Variants in LRRC28 observed in about 807,000 individuals in gnomAD.
LRRC28 encodes leucine rich repeat containing 28.
LRRC28 carries 39 observed loss-of-function variants against 45.7 expected under a neutral mutation model. The observed-to-expected ratio is 0.85, with a 90% CI of 0.66 to 1.12. The LOEUF (loss-of-function observed/expected upper bound fraction) is 1.12, where lower values mean the gene tolerates loss of function less well. LRRC28 is among the 50% of genes most tolerant of loss of function. The pLI is 0.00. For missense variants in LRRC28, 435 were observed against 438.5 expected (o/e 0.99, Z 0.07); for synonymous variants, 206 against 178.8 (o/e 1.15, Z -1.22).
chr15:99,341,330 G>C (rs1381123246), intron 6 of LRRC28, among the ~76,000 whole-genome samples: 1 of 152,118 alleles, frequency 6.6e-6, no homozygotes, highest in East Asian at 1.9e-4. Context: ...GACCTCAGCT[G>C]ATCCACCTGG....
At position 99,287,268 on chromosome 15, in the gene LRRC28, C is replaced by CA; in HGVS notation, c.224dup (p.Asn75LysfsTer2). ...TTTTTCCTTCCTAGATACCTGCACT[C>CA]AAATAACATAGTTGTGGTTCCGGAA... On this transcript the variant is annotated frameshift_variant, in exon 4 of 10. Transcript: ENST00000301981. LOFTEE classifies it high-confidence loss of function. 1 of 1,571,152 alleles carries CA rather than the reference C, an allele frequency of 6.4e-7. No individual in the cohort carries two copies. The highest frequency in any genetic ancestry group is 8.6e-7 in the Non-Finnish European group (1 of 1,161,760).
chr15:99,261,609 C>T (rs1200792066), intron 2 of LRRC28, among the ~76,000 whole-genome samples: 1 of 151,986 alleles, frequency 6.6e-6, no homozygotes, highest in African/African-American at 2.4e-5. Flanking sequence ...TTAATTGCCT[C>T]CCAAAGGTCC....
rs2292313 is a variant in LRRC28 at position 99,255,884 on chromosome 15, C to G, written c.-60-14C>G. On this transcript the variant is annotated splice_polypyrimidine_tract_variant and intron_variant, in intron 1 of 9. Transcript: ENST00000301981. Reference sequence around the variant, plus strand: ...AAATCTTACAATGAATAAATTTTCTCGTTCTCTTTATAGAAATGGACCAAT... The same window carrying G: ...AAATCTTACAATGAATAAATTTTCTGGTTCTCTTTATAGAAATGGACCAAT... The G allele has an allele frequency of 6.9e-7, 1 of 1,453,662 alleles. No homozygotes were observed. Among genetic ancestry groups the G allele is most frequent in the Non-Finnish European group, 9.2e-7 (1 of 1,091,492 alleles). The allele number at this position is 1,453,662 out of a possible 1,614,324, so 90.0% of individuals were successfully genotyped here.
intron 5 of LRRC28, among the ~76,000 whole-genome samples, chr15:99,303,908 C>T (rs563227682): frequency 1.3e-5 from 2 of 151,664 alleles, no homozygotes; most frequent in African/African-American, 2.4e-5. Flanking sequence ...AGAGCATTGT[C>T]CCCCCCACTG....
chr15:99,361,622 C>A, intron 8 of LRRC28, 111 bp downstream of exon 8: 2 of 1,059,312 alleles, frequency 1.9e-6, no homozygotes, highest in Admixed American at 2.8e-5. Context: ...TGGTAAAATA[C>A]ACATAACACG....
rs1430553974 is a variant in LRRC28, at chr15:99,387,206, GC to G, written c.*1107del. On this transcript the variant is annotated 3_prime_UTR_variant, in exon 10 of 10. Transcript: ENST00000301981. ...CTCCCAAGTAGCTGGGACCACAGGC[GC>G]CCGCCACCACGCCCGGCTAATTTTT... The G allele has an allele frequency of 4.1e-5, 6 of 145,316 alleles. No homozygotes were observed. The highest frequency in any genetic ancestry group is 7.0e-5 in the Admixed American group (1 of 14,252). The allele number at this position is 145,316 out of a possible 1,614,324, so 9.0% of individuals were successfully genotyped here.
chr15:99,337,272 T>G (rs911189782), intron 6 of LRRC28, among the ~76,000 whole-genome samples: 2 of 152,264 alleles, frequency 1.3e-5, no homozygotes, highest in African/African-American at 4.8e-5. Flanking sequence ...CATAGGAAGC[T>G]GACCACTGTA....
At position 99,294,613 on chromosome 15, in the gene LRRC28, T is replaced by A. The variant is rs1275757251; in HGVS notation, c.385+6662T>A. Among the ~76,000 whole-genome samples the A allele has an allele frequency of 2.0e-5, 3 of 152,170 alleles. 1 individual carries two copies. In the East Asian group the frequency reaches 5.8e-4, roughly 29 times the overall value. On this transcript the variant is annotated intron_variant, in intron 5 of 9. Transcript: ENST00000301981. ...TTATTTTCTGATTCATAGATGACAC[T>A]TTTTCACTGTGTTCTCATGTGGTAG...
At chr15:99,288,353 G>T (rs1478367435) in intron 5 of LRRC28, among the ~76,000 whole-genome samples, 2 of 147,026 alleles carry the variant, frequency 1.4e-5, no homozygotes, top group Non-Finnish European at 3.0e-5. Flanking sequence ...CTCTAGTGAG[G>T]TAACTAATGT....
intron 6 of LRRC28, among the ~76,000 whole-genome samples, chr15:99,351,612 C>G (rs1436638666): frequency 6.6e-6 from 1 of 152,184 alleles, no homozygotes; most frequent in African/African-American, 2.4e-5. Context: ...ATTCCTACAT[C>G]TGCCTGGATC....
chr15:99,308,684 T>C (rs1644683430), intron 5 of LRRC28, among the ~76,000 whole-genome samples: 1 of 152,056 alleles, frequency 6.6e-6, no homozygotes, highest in South Asian at 2.1e-4. Flanking sequence ...AAAAAATAAA[T>C]AAATGAATAA....
Position 99,293,593 on chromosome 15 carries a change from C to CCAAAAAAAAAAAAAAAAAAAAAAAAA in LRRC28, c.385+5642_385+5643insCAAAAAAAAAAAAAAAAAAAAAAAAA, listed in dbSNP as rs747700282. ...GGGCAACAAGAACGAAACTCTGTCA[C>CCAAAAAAAAAAAAAAAAAAAAAAAAA]AAAAAAAAAAAAAAAAAAAAAAAAA... On this transcript the variant is annotated intron_variant, in intron 5 of 9. Coordinates refer to ENST00000301981, the MANE Select transcript of LRRC28 (RefSeq NM_144598.5). Among the ~76,000 whole-genome samples the CCAAAAAAAAAAAAAAAAAAAAAAAAA allele has an allele frequency of 1.8e-4, 8 of 44,070 alleles. 1 individual carries two copies. Among genetic ancestry groups the CCAAAAAAAAAAAAAAAAAAAAAAAAA allele is most frequent in the Non-Finnish European group, 2.6e-4 (6 of 22,730 alleles). The allele number at this position is 44,070 out of a possible 152,430, so 28.9% of individuals were successfully genotyped here. A position where few individuals can be genotyped will look rare whatever the true frequency, so the allele number is the denominator to read the frequency against.
intron 3 of LRRC28, among the ~76,000 whole-genome samples, chr15:99,277,712 G>T (rs1432527383): frequency 2.0e-5 from 3 of 152,040 alleles, no homozygotes; most frequent in African/African-American, 7.2e-5. Flanking sequence ...TCATCCTTTT[G>T]TATGTATGTA....
chr15:99,326,977 A>G (rs1956001041), intron 5 of LRRC28, among the ~76,000 whole-genome samples: 1 of 152,228 alleles, frequency 6.6e-6, no homozygotes, highest in Non-Finnish European at 1.5e-5. Flanking sequence ...TTAAATATAT[A>G]ATAGAATTGA....
intron 9 of LRRC28, among the ~76,000 whole-genome samples, chr15:99,379,922 C>G (rs989110104): frequency 3.9e-5 from 6 of 152,166 alleles, no homozygotes; most frequent in Non-Finnish European, 7.3e-5. Context: ...GTTGTAATTT[C>G]TGTTCTTTTA....
At chr15:99,385,607 T>C (rs953115636) in intron 9 of LRRC28, among the ~76,000 whole-genome samples, 1 of 152,266 alleles carries the variant, frequency 6.6e-6, no homozygotes, top group Non-Finnish European at 1.5e-5. Flanking sequence ...TTATGTTGTT[T>C]AAGCTCTGTG....
At position 99,339,460 on chromosome 15, in the gene LRRC28, G is replaced by A. The variant is rs543371974; in HGVS notation, c.592+5331G>A. ...AAAAACAGTGATTGGGCTGGGAACC[G>A]TGGCTCACGCCTGTAATCCCAACAC... On this transcript the variant is annotated intron_variant, in intron 6 of 9. Coordinates refer to ENST00000301981, the MANE Select transcript of LRRC28 (RefSeq NM_144598.5). 6.7e-4 allele frequency among the ~76,000 whole-genome samples: 102 copies of A among 152,358 alleles called. 1 individual carries two copies. In the South Asian group the frequency reaches 0.014, roughly 21 times the overall value.
intron 2 of LRRC28, among the ~76,000 whole-genome samples, chr15:99,265,176 A>G (rs1191428751): frequency 6.6e-6 from 1 of 152,144 alleles, no homozygotes; most frequent in Non-Finnish European, 1.5e-5. Context: ...TCGTTTAGGG[A>G]ACTTTCTCTT....
intron 5 of LRRC28, among the ~76,000 whole-genome samples, chr15:99,301,960 G>A (rs1954988036): frequency 6.6e-6 from 1 of 150,762 alleles, no homozygotes; most frequent in African/African-American, 2.4e-5. Context: ...ACTCTTAAAT[G>A]TCATCTAAAT....
Sources: allele counts gnomAD v4.1 joint callset (sites outside exome capture counted in the v4.1 genomes callset), GRCh38; gene constraint gnomAD v4.1.1; transcripts MANE v1.5; gene names NCBI Gene and HGNC (gene_info 2026-07-23, HGNC 2026-07-21).